The following RAB11FIP4 variants were observed in gnomAD, a reference collection of about 807,000 sequenced individuals.
RAB11FIP4 encodes RAB11 family interacting protein 4.
Under a neutral mutation model 74.3 loss-of-function variants are expected in RAB11FIP4, and 23 were observed. The ratio of observed to expected loss-of-function variants is 0.31; its 90% CI spans 0.22 to 0.44. The LOEUF is 0.44. Among genes scored for constraint, RAB11FIP4 ranks in the 20% least tolerant of loss-of-function variants. The pLI is 1.00. For missense variants in RAB11FIP4, 630 were observed against 863.9 expected, an observed-to-expected ratio of 0.73 and a Z score of 3.39; for synonymous variants, 360 against 359.9, an observed-to-expected ratio of 1.00 and a Z score of 0.00.
chr17:31,467,804 C>G (rs2071699907), intron 3 of RAB11FIP4, among the ~76,000 whole-genome samples: 1 of 152,228 alleles, frequency 6.6e-6, no homozygotes, highest in African/African-American at 2.4e-5. Flanking sequence ...CTTCTCCCAT[C>G]CCTGCTGTGA....
intron 1 of RAB11FIP4, among the ~76,000 whole-genome samples, chr17:31,394,601 G>A (rs1187798334): frequency 6.6e-6 from 1 of 151,826 alleles, no homozygotes; most frequent in Non-Finnish European, 1.5e-5. Flanking sequence ...CCTGTTTCTT[G>A]GCCCTTATTC....
chr17:31,442,252 G>A (rs1371987469), intron 3 of RAB11FIP4, among the ~76,000 whole-genome samples: 1 of 152,088 alleles, frequency 6.6e-6, no homozygotes, highest in Non-Finnish European at 1.5e-5. Context: ...ACCTGCCTCG[G>A]CCTCCCAAAG....
Position 31,522,017 on chromosome 17 carries a change from G to C in RAB11FIP4, c.861G>C (p.Leu287Phe). The C allele has an allele frequency of 6.2e-7, 1 of 1,614,106 alleles. No homozygotes were observed. The highest frequency in any genetic ancestry group is 8.5e-7 in the Non-Finnish European group (1 of 1,180,036). The change falls in exon 6 of 15, where the codon TTG (leucine) becomes TTC (phenylalanine). Residue 287 changes from leucine (L) to phenylalanine (F), a missense_variant. Coordinates refer to ENST00000621161, the MANE Select transcript of RAB11FIP4 (RefSeq NM_032932.6). ...CCKKINLLND[L>F]EARLKNLKAN... ...AGAAAATCAACCTGCTCAATGACTTGGAAGCCCGACTGAAAAACCTGAAGG... is the reference window on the plus strand; with the variant it reads ...AGAAAATCAACCTGCTCAATGACTTCGAAGCCCGACTGAAAAACCTGAAGG...
chr17:31,457,730 T>C (rs1049618259), intron 3 of RAB11FIP4, among the ~76,000 whole-genome samples: 2 of 150,758 alleles, frequency 1.3e-5, no homozygotes, highest in South Asian at 2.1e-4. Context: ...CCCCTCCTGC[T>C]GCCCTACCCT....
rs942400208 is a variant in RAB11FIP4 at position 31,464,744 on chromosome 17, C to T, written c.336+30622C>T. Among the ~76,000 whole-genome samples, 3 of 121,172 alleles carry T rather than the reference C, an allele frequency of 2.5e-5. No individual in the cohort carries two copies. In the Admixed American group the frequency reaches 2.6e-4, roughly 11 times the overall value. The allele number at this position is 121,172 out of a possible 152,430, so 79.5% of individuals were successfully genotyped here. A position where few individuals can be genotyped will look rare whatever the true frequency, so the allele number is the denominator to read the frequency against. ...GGGATTACAGGCATGAGCCACTGTG[C>T]CCGGCTTTTTTTTTTTTTTTTTTTT... On this transcript the variant is annotated intron_variant, in intron 3 of 14. Coordinates refer to ENST00000621161, the MANE Select transcript of RAB11FIP4 (RefSeq NM_032932.6).
intron 3 of RAB11FIP4, among the ~76,000 whole-genome samples, chr17:31,478,533 C>T (rs1394343862): frequency 6.6e-6 from 1 of 152,068 alleles, no homozygotes; most frequent in African/African-American, 2.4e-5. Context: ...AGAATTTCAC[C>T]GGCTGATTTG....
chr17:31,430,705 G>GTTTTA (rs1278707493), intron 1 of RAB11FIP4, among the ~76,000 whole-genome samples: 1 of 152,060 alleles, frequency 6.6e-6, no homozygotes, highest in Non-Finnish European at 1.5e-5. Flanking sequence ...ATACTGGAAG[G>GTTTTA]TTTTAAGCAG....
At chr17:31,511,911 C>T (rs527964603) in intron 3 of RAB11FIP4, among the ~76,000 whole-genome samples, 9 of 152,318 alleles carry the variant, frequency 5.9e-5, no homozygotes, top group South Asian at 2.1e-4. Flanking sequence ...GAGGGCCCCA[C>T]GGCAGGCTGT....
chr17:31,524,863 C>T lies in RAB11FIP4; in HGVS notation c.1134-227C>T, dbSNP rs189600057. 8.5e-3 allele frequency: 5,159 copies of T among 609,324 alleles called. 54 individuals carry two copies. The highest frequency in any genetic ancestry group is 0.017 in the Middle Eastern group (39 of 2,242). 37.7% of individuals were successfully genotyped at this position (609,324 alleles called of 1,614,324 possible). A position where few individuals can be genotyped will look rare whatever the true frequency, so the allele number is the denominator to read the frequency against. ...CGGTCCCTCCCTGTGCTGCCCTGAG[C>T]GCCCCACCTTCTGACTGCCAGGCCT... On this transcript the variant is annotated intron_variant, in intron 9 of 14. Coordinates refer to ENST00000621161, the MANE Select transcript of RAB11FIP4 (RefSeq NM_032932.6).
intron 3 of RAB11FIP4, among the ~76,000 whole-genome samples, chr17:31,456,270 T>G (rs1412464459): frequency 6.7e-6 from 1 of 148,444 alleles, no homozygotes; most frequent in Non-Finnish European, 1.5e-5. Context: ...CAGGCTGGAG[T>G]GCAGTGGCAC....
intron 1 of RAB11FIP4, among the ~76,000 whole-genome samples, chr17:31,399,936 G>A (rs371028959): frequency 2.0e-5 from 3 of 151,708 alleles, no homozygotes; most frequent in East Asian, 3.9e-4. Context: ...TCAGCTACTC[G>A]GGAGGCTGAG....
At chr17:31,485,157 C>T (rs912181009) in intron 3 of RAB11FIP4, among the ~76,000 whole-genome samples, 3 of 152,200 alleles carry the variant, frequency 2.0e-5, no homozygotes, top group African/African-American at 7.2e-5. Flanking sequence ...TTTCCATTTT[C>T]TAGAGGTAGA....
At chr17:31,479,252 T>C (rs750506620) in intron 3 of RAB11FIP4, among the ~76,000 whole-genome samples, 2 of 152,200 alleles carry the variant, frequency 1.3e-5, no homozygotes, top group East Asian at 1.9e-4. Flanking sequence ...TCCCATTAGG[T>C]AGAGGAATTG....
chr17:31,483,825 G>A (rs975146901), intron 3 of RAB11FIP4, among the ~76,000 whole-genome samples: 2 of 151,970 alleles, frequency 1.3e-5, no homozygotes, highest in East Asian at 1.9e-4. Context: ...TTAGCCAGTC[G>A]TTCCACATGG....
intron 3 of RAB11FIP4, among the ~76,000 whole-genome samples, chr17:31,475,813 T>TTTGG (rs2071786105): frequency 6.6e-6 from 1 of 151,324 alleles, no homozygotes; most frequent in Admixed American, 6.6e-5. Flanking sequence ...TTTTTTTTTT[T>TTTGG]GGCGATTTTG....
At chr17:31,488,261 C>T in intron 3 of RAB11FIP4, 1 of 1,173,180 alleles carries the variant, frequency 8.5e-7, no homozygotes, top group Non-Finnish European at 1.1e-6. Flanking sequence ...CCCGCCAGCT[C>T]TCGGGAGCCA....
intron 1 of RAB11FIP4, among the ~76,000 whole-genome samples, chr17:31,419,524 AG>A (rs1415913702): frequency 6.7e-6 from 1 of 149,580 alleles, no homozygotes; most frequent in Non-Finnish European, 1.5e-5. Flanking sequence ...TGTGTTCATG[AG>A]GGATATTGGT....
intron 3 of RAB11FIP4, among the ~76,000 whole-genome samples, chr17:31,437,037 G>A (rs1436592905): frequency 2.0e-5 from 3 of 151,916 alleles, no homozygotes; most frequent in Admixed American, 6.6e-5. Context: ...TGATCCACCC[G>A]CCTCGGCCTC....
At chr17:31,459,647 C>T (rs1450212864) in intron 3 of RAB11FIP4, among the ~76,000 whole-genome samples, 3 of 152,064 alleles carry the variant, frequency 2.0e-5, no homozygotes, top group African/African-American at 7.3e-5. Flanking sequence ...TACTCCTGGG[C>T]TTTTGCCCAT....
Sources: allele counts gnomAD v4.1 joint callset (sites outside exome capture counted in the v4.1 genomes callset), GRCh38; gene constraint gnomAD v4.1.1; transcripts MANE v1.5; gene names NCBI Gene and HGNC (gene_info 2026-07-23, HGNC 2026-07-21).